Variants in ZNF546 observed in about 807,000 individuals in gnomAD.
ZNF546 encodes CTC-471F3.6.
Under a neutral mutation model 76.2 loss-of-function variants are expected in ZNF546, and 60 were observed. The ratio of observed to expected loss-of-function variants is 0.79; its 90% CI spans 0.64 to 0.98. ZNF546 has a LOEUF of 0.98. ZNF546 is among the 50% of genes least tolerant of loss of function. ZNF546 has a pLI of 0.00. For missense variants in ZNF546, 936 were observed against 1,035.6 expected, an observed-to-expected ratio of 0.90 and a Z score of 1.32; for synonymous variants, 277 against 328.1, an observed-to-expected ratio of 0.84 and a Z score of 1.68.
rs1422866985 is a variant in ZNF546, at chr19:40,019,939, C to T, written c.*4158C>T. 1 of 152,096 alleles carries T rather than the reference C, an allele frequency of 6.6e-6. No individual in the cohort carries two copies. The highest frequency in any genetic ancestry group is 1.5e-5 in the Non-Finnish European group (1 of 68,002). The allele number at this position is 152,096 out of a possible 1,614,324, so 9.4% of individuals were successfully genotyped here. ...CTTAGATTGGATATGATAATTTCCT[C>T]AATGCTTAACACTGAGCACAATTTT... On this transcript the variant is annotated 3_prime_UTR_variant, in exon 7 of 7. Coordinates refer to ENST00000347077, the MANE Select transcript of ZNF546 (RefSeq NM_178544.5).
intron 6 of ZNF546, 64 bp downstream of exon 6, chr19:40,008,629 G>A: frequency 7.4e-7 from 1 of 1,343,396 alleles, no homozygotes; most frequent in Middle Eastern, 1.8e-4. Flanking sequence ...TGTCAGGGAG[G>A]AGGCACAGCA....
At chr19:40,007,162 C>A (rs1350701415) in intron 4 of ZNF546, 112 bp from the exon 5 acceptor site, 2 of 685,588 alleles carry the variant, frequency 2.9e-6, no homozygotes, top group Non-Finnish European at 4.4e-6. Context: ...ACACACATTG[C>A]AGGCTTGAGC....
chr19:40,009,162 TTG>T (rs1216544525), intron 6 of ZNF546, among the ~76,000 whole-genome samples: 4 of 152,182 alleles, frequency 2.6e-5, no homozygotes, highest in African/African-American at 9.7e-5. Flanking sequence ...GTGATGATAT[TTG>T]AACCAGAGAC....
In ZNF546 at chr19:40,006,100, G is replaced by A. The variant is rs772605247; in HGVS notation, c.89G>A (p.Arg30Gln). The change falls in exon 4 of 7, where the codon CGG (arginine) becomes CAG (glutamine). Residue 30 changes from arginine (R) to glutamine (Q), a missense_variant. Arg to Gln is a conservative substitution (Grantham distance 43). Coordinates refer to ENST00000347077, the MANE Select transcript of ZNF546 (RefSeq NM_178544.5). The stretch of plus-strand genomic sequence containing the variant: ...GTCACTTGTTCTTCCCCCCAGCCCC[G>A]GTTTCTCTGGATTCTGTGCTTCTCC... The part of the protein sequence containing the change: ...IPLHSLSIMP[R>Q]FLWILCFSME... 3.5e-5 allele frequency: 56 copies of A among 1,613,552 alleles called. No individual in the cohort carries two copies. The highest frequency in any genetic ancestry group is 1.2e-4 in the South Asian group (11 of 91,000).
At chr19:39,998,650 A>G in intron 3 of ZNF546, 1 of 471,268 alleles carries the variant, frequency 2.1e-6, no homozygotes, top group Non-Finnish European at 3.8e-6. Context: ...CTGTGTGAAC[A>G]TGAGCAGGGA....
chr19:40,008,694 G>C (rs997900248), intron 6 of ZNF546, 129 bp downstream of exon 6: 5 of 560,698 alleles, frequency 8.9e-6, no homozygotes, highest in African/African-American at 7.3e-5. Context: ...AAAAAGGACT[G>C]ATACCTGGGA....
rs1971483888 is a variant in ZNF546 at position 39,998,410 on chromosome 19, G to A, written c.84G>A (p.Met28Ile). Residue 28 changes from methionine (M) to isoleucine (I), a missense_variant and splice_region_variant, in exon 3 of 7, where the codon ATG becomes ATA. Physicochemically the swap from Met to Ile is conservative, Grantham distance 10. Coordinates refer to ENST00000347077, the MANE Select transcript of ZNF546 (RefSeq NM_178544.5). ...QIIPLHSLSI[M>I]PRFLWILCFS... is the part of the protein sequence containing the mutation. ...TTCCTCTGCACTCACTTTCTATAAT[G>A]GTAGAGAAATGCATATCCTGGAGTC... 1 of 1,612,454 alleles carries A rather than the reference G, an allele frequency of 6.2e-7. No homozygotes were observed. The highest frequency in any genetic ancestry group is 8.5e-7 in the Non-Finnish European group (1 of 1,178,664).
intron 3 of ZNF546, among the ~76,000 whole-genome samples, chr19:40,005,287 TAGGATTAC>T: frequency 6.6e-6 from 1 of 152,122 alleles, no homozygotes; most frequent in East Asian, 1.9e-4. Context: ...CTCAAAGTGC[TAGGATTAC>T]AGGTGTGAGC....
At chr19:40,008,337 T>C in intron 5 of ZNF546, 133 bp from the exon 6 acceptor site, 1 of 538,110 alleles carries the variant, frequency 1.9e-6, no homozygotes, top group East Asian at 2.8e-5. Flanking sequence ...TCTTCTTTAC[T>C]GTCATGGCAT....
chr19:40,008,023 C>T lies in ZNF546; in HGVS notation c.299-447C>T, dbSNP rs556963161. Among the ~76,000 whole-genome samples the T allele has an allele frequency of 9.4e-4, 143 of 152,310 alleles. 1 individual carries two copies. Among genetic ancestry groups the T allele is most frequent in the African/African-American group, 2.7e-3 (114 of 41,574 alleles). On this transcript the variant is annotated intron_variant, in intron 5 of 6. Coordinates refer to ENST00000347077, the MANE Select transcript of ZNF546 (RefSeq NM_178544.5). ...CAACAAAATAATACTATATACTGGG[C>T]ATATTATATGCCTTTGCATATATTA... is the stretch of plus-strand genomic sequence containing the variant.
Position 40,015,091 on chromosome 19 carries a change from A to G in ZNF546, c.1821A>G (p.Lys607=), listed in dbSNP as rs749829321. 1.2e-6 allele frequency: 2 copies of G among 1,613,784 alleles called. No individual in the cohort carries two copies. The highest frequency in any genetic ancestry group is 1.7e-6 in the Non-Finnish European group (2 of 1,179,900). The change falls in exon 7 of 7, where the codon AAA becomes AAG. Residue 607 remains lysine (K), a synonymous_variant. Coordinates refer to ENST00000347077, the MANE Select transcript of ZNF546 (RefSeq NM_178544.5). ...TQHFKIHTGE[K]PYICNECGKA... Reference sequence around the variant, plus strand: ...ATTTTAAAATTCATACTGGTGAAAAACCCTACATATGTAATGAATGTGGGA... The same window carrying G: ...ATTTTAAAATTCATACTGGTGAAAAGCCCTACATATGTAATGAATGTGGGA...
intron 4 of ZNF546, among the ~76,000 whole-genome samples, chr19:40,006,446 A>AGTC (rs1191627716): frequency 6.6e-6 from 1 of 152,218 alleles, no homozygotes. Context: ...AGAGGCTTAG[A>AGTC]GGACTAGGCT....
intron 3 of ZNF546, among the ~76,000 whole-genome samples, chr19:40,003,100 A>T (rs1351147737): frequency 6.8e-6 from 1 of 146,176 alleles, no homozygotes; most frequent in Non-Finnish European, 1.5e-5. Context: ...CAGTGGTGCA[A>T]TCTCGGCTCA....
rs773697451 is a variant in ZNF546, at chr19:40,015,749, CAT to C, written c.2482_2483del (p.Ile828Ter). Reference sequence around the variant, plus strand: ...TCAACTTACTTTACATCAGAGAAATCATATTAGTGAGGAAGTCCTATGCATAA... The same window carrying C: ...TCAACTTACTTTACATCAGAGAAATCATTAGTGAGGAAGTCCTATGCATAA... ...SDQLTLHQRN[H>X]ISEEVLCIM On this transcript the variant is annotated frameshift_variant, in exon 7 of 7. Transcript: ENST00000347077. LOFTEE classifies it high-confidence loss of function. The C allele has an allele frequency of 1.6e-5, 26 of 1,612,518 alleles. No individual in the cohort carries two copies. The Admixed American group carries it at 4.2e-4, about 26-fold the overall frequency.
chr19:40,014,552 C>G lies in ZNF546; in HGVS notation c.1282C>G (p.Leu428Val). The change falls in exon 7 of 7, where the codon CTT becomes GTT. Residue 428 changes from leucine to valine, a missense_variant. Physicochemically the swap from Leu to Val is conservative, Grantham distance 32 (BLOSUM62 1). Coordinates refer to ENST00000347077, the MANE Select transcript of ZNF546 (RefSeq NM_178544.5). ...TAAGTCCTTTAGTTTTCATGCAGAA[C>G]TTGCTCGACATCGTAGAATTCATAC... ...CGKSFSFHAE[L>V]ARHRRIHTGE... 6.2e-7 allele frequency: 1 copy of G among 1,614,134 alleles called. No homozygotes were observed. Among genetic ancestry groups the G allele is most frequent in the South Asian group, 1.1e-5 (1 of 91,080 alleles).
Position 40,020,124 on chromosome 19 carries a change from C to T in ZNF546, c.*4343C>T, listed in dbSNP as rs747784580. ...AGATTTAATGGCATGTAGGGGTTTG[C>T]GTGAATATATACAGTTGAAATTCAA... On this transcript the variant is annotated 3_prime_UTR_variant, in exon 7 of 7. Transcript: ENST00000347077. 1.3e-5 allele frequency: 2 copies of T among 152,050 alleles called. No homozygotes were observed. Among genetic ancestry groups the T allele is most frequent in the African/African-American group, 4.8e-5 (2 of 41,424 alleles). The allele number at this position is 152,050 out of a possible 1,614,324, so 9.4% of individuals were successfully genotyped here. A position where few individuals can be genotyped will look rare whatever the true frequency, so the allele number is the denominator to read the frequency against.
chr19:40,001,468 T>G (rs1971529154), intron 3 of ZNF546, among the ~76,000 whole-genome samples: 1 of 152,064 alleles, frequency 6.6e-6, no homozygotes, highest in African/African-American at 2.4e-5. Flanking sequence ...GTTCAAGTAA[T>G]TCTTCTGCCC....
rs192869610 is a variant in ZNF546, at chr19:40,005,080, G to A, written c.85-1016G>A. On this transcript the variant is annotated intron_variant, in intron 3 of 6. Transcript: ENST00000347077. ...GTCGCCCAGGTTGGAGTGCAGTGGC[G>A]CGATTTCAGCTCACTGCAACCTCTG... is the stretch of plus-strand genomic sequence containing the variant. Among the ~76,000 whole-genome samples the A allele has an allele frequency of 7.3e-3, 987 of 135,716 alleles. 4 individuals carry two copies. The highest frequency in any genetic ancestry group is 0.012 in the Non-Finnish European group (776 of 65,906). 89.0% of individuals were successfully genotyped at this position (135,716 alleles called of 152,430 possible). A position where few individuals can be genotyped will look rare whatever the true frequency, so the allele number is the denominator to read the frequency against.
chr19:40,003,316 C>T (rs1599739129), intron 3 of ZNF546, among the ~76,000 whole-genome samples: 1 of 152,122 alleles, frequency 6.6e-6, no homozygotes, highest in Admixed American at 6.5e-5. Flanking sequence ...GGATTACAGG[C>T]GTGAGCCACC....
Sources: allele counts gnomAD v4.1 joint callset (sites outside exome capture counted in the v4.1 genomes callset), GRCh38; gene constraint gnomAD v4.1.1; transcripts MANE v1.5; gene names NCBI Gene and HGNC (gene_info 2026-07-23, HGNC 2026-07-21).